The following FGF13 variants were observed in gnomAD, a reference collection of about 807,000 sequenced individuals.
The protein encoded by FGF13 is fibroblast growth factor homologous factor 2.
In FGF13, 2 loss-of-function variants were observed where a neutral mutation model predicts 19.5. The observed-to-expected ratio is 0.10, with a 90% CI of 0.04 to 0.32. The LOEUF (loss-of-function observed/expected upper bound fraction) is 0.32, where lower values mean the gene tolerates loss of function less well. Among genes scored for constraint, FGF13 ranks in the 10% least tolerant of loss-of-function variants. The pLI is 1.00. For synonymous variants in FGF13, 72 were observed against 76.9 expected (o/e 0.94, Z 0.33); for missense variants, 113 against 192.7 (o/e 0.59, Z 2.45).
chrX:138,695,746 T>G (rs2089889804), intron 3 of FGF13, among the ~76,000 whole-genome samples: 2 of 112,201 alleles, frequency 1.8e-5, no homozygotes, highest in Admixed American at 9.5e-5. Flanking sequence ...AATCGGACTA[T>G]AAGTACATAT....
At chrX:138,770,183 C>A (rs1272719253) in intron 3 of FGF13, among the ~76,000 whole-genome samples, 1 of 111,531 alleles carries the variant, frequency 9.0e-6, no homozygotes, top group Non-Finnish European at 1.9e-5. Flanking sequence ...ATATTGAGTA[C>A]TTACTATTAG....
intron 1 of FGF13, among the ~76,000 whole-genome samples, chrX:138,926,112 G>A: frequency 8.9e-6 from 1 of 112,031 alleles, no homozygotes; most frequent in East Asian, 2.8e-4. Flanking sequence ...CCAAGAAATG[G>A]AGGTGAGTGG....
At chrX:138,854,965 G>A (rs1423074437), downstream of FGF13, among the ~76,000 whole-genome samples, 3 of 107,849 alleles carry the variant, frequency 2.8e-5, no homozygotes, top group Non-Finnish European at 5.8e-5. Context: ...AATGTTTCAA[G>A]GTATAGACAT....
chrX:138,984,459 GAGAAGGAGA>G (rs1256030638), intron 1 of FGF13, among the ~76,000 whole-genome samples: 2 of 91,368 alleles, frequency 2.2e-5, no homozygotes, highest in East Asian at 3.9e-4. Flanking sequence ...GGAGAAAGAG[GAGAAGGAGA>G]AGAAGGAGAA....
At position 138,635,361 on chromosome X, in the gene FGF13, C is replaced by G. The variant is rs1240420052; in HGVS notation, c.601+96G>C. 6.4e-6 allele frequency: 6 copies of G among 936,786 alleles called. No homozygotes were observed. The African/African-American group carries it at 1.2e-4, about 19-fold the overall frequency. The allele number at this position is 936,786 out of a possible 1,213,427, so 77.2% of individuals were successfully genotyped here. A position where few individuals can be genotyped will look rare whatever the true frequency, so the allele number is the denominator to read the frequency against. ...ACCACTAAATAGCTTGTCTATGTAA[C>G]CAAAAACCACCTGTACCCCCAAAAC... On this transcript the variant is annotated intron_variant, in intron 4 of 4. Transcript: ENST00000315930.
At chrX:138,746,979 C>A (rs936239995) in intron 3 of FGF13, among the ~76,000 whole-genome samples, 26 of 111,471 alleles carry the variant, frequency 2.3e-4, no homozygotes, top group Non-Finnish European at 4.5e-4. Context: ...CAAGTGATTT[C>A]ATCTGTTTCC....
chrX:138,950,486 C>T (rs2091805600), intron 1 of FGF13, among the ~76,000 whole-genome samples: 2 of 111,686 alleles, frequency 1.8e-5, no homozygotes, highest in Admixed American at 9.5e-5. Flanking sequence ...AGGAGTGAGC[C>T]TCACAGCAAT....
upstream of FGF13, among the ~76,000 whole-genome samples, chrX:138,743,743 C>T (rs961905033): frequency 1.8e-5 from 2 of 111,155 alleles, no homozygotes; most frequent in Non-Finnish European, 3.8e-5. Context: ...TCCAGGAGTA[C>T]GTTCTCTCTG....
chrX:138,988,892 A>AT (rs1448811242), intron 1 of FGF13, among the ~76,000 whole-genome samples: 1 of 111,616 alleles, frequency 9.0e-6, no homozygotes, highest in African/African-American at 3.3e-5. Context: ...TTTATACTTC[A>AT]TTTTCTCAAC....
intron 3 of FGF13, among the ~76,000 whole-genome samples, chrX:138,847,125 G>A (rs761300492): frequency 4.5e-5 from 5 of 111,661 alleles, no homozygotes; most frequent in Non-Finnish European, 9.4e-5. Flanking sequence ...AGCAAGAGGG[G>A]GGAAACTGAG....
At chrX:138,968,047 A>C in intron 1 of FGF13, among the ~76,000 whole-genome samples, 1 of 111,535 alleles carries the variant, frequency 9.0e-6, no homozygotes, top group Non-Finnish European at 1.9e-5. Context: ...ACTCGACTTC[A>C]TATCTCCTAA....
At chrX:139,195,483 G>C (rs190502854) in intron 1 of FGF13, among the ~76,000 whole-genome samples, 13 of 112,411 alleles carry the variant, frequency 1.2e-4, no homozygotes, top group Non-Finnish European at 1.9e-4. Context: ...TCTTCTTTAG[G>C]TTGTTTACTT....
At chrX:138,683,719 G>A (rs763210575) in intron 3 of FGF13, among the ~76,000 whole-genome samples, 1 of 111,524 alleles carries the variant, frequency 9.0e-6, no homozygotes, top group African/African-American at 3.3e-5. Context: ...GCAAATTGCT[G>A]TATTTTGACA....
chrX:138,874,912 T>A (rs2124170628), intron 1 of FGF13, among the ~76,000 whole-genome samples: 1 of 111,762 alleles, frequency 8.9e-6, no homozygotes, highest in African/African-American at 3.2e-5. Flanking sequence ...CCTCTCTCTG[T>A]ACTTAGCTTC....
chrX:138,967,504 T>C (rs2091899738), intron 1 of FGF13, among the ~76,000 whole-genome samples: 1 of 111,079 alleles, frequency 9.0e-6, no homozygotes, highest in Non-Finnish European at 1.9e-5. Flanking sequence ...ACAGAAACCT[T>C]AGGGAAGTAA....
chrX:138,733,740 G>A (rs1028607500), intron 1 of FGF13, among the ~76,000 whole-genome samples: 2 of 111,038 alleles, frequency 1.8e-5, no homozygotes, highest in Non-Finnish European at 3.8e-5. Flanking sequence ...CTTAACAAAC[G>A]GTAGTTTTTA....
chrX:139,011,555 A>G lies in FGF13; in HGVS notation c.-112-146905T>C, dbSNP rs148890063. Among the ~76,000 whole-genome samples the G allele has an allele frequency of 3.8e-4, 43 of 111,708 alleles. No individual in the cohort carries two copies. In the East Asian group the frequency reaches 0.011, roughly 29 times the overall value. ...TAACATACGTAAGTCAACAGATGTT[A>G]CACACCACATAAACAGAATTTAAAA... On this transcript the variant is annotated intron_variant, in intron 1 of 2. Transcript: ENST00000421460.
upstream of FGF13, among the ~76,000 whole-genome samples, chrX:138,713,920 G>A (rs17331338): frequency 1.5e-3 from 165 of 111,326 alleles, no homozygotes; most frequent in Admixed American, 3.0e-3. Flanking sequence ...GAACCACTGG[G>A]CCAAGGCTGA....
At chrX:139,044,561 C>A (rs887058050) in intron 1 of FGF13, among the ~76,000 whole-genome samples, 13 of 111,190 alleles carry the variant, frequency 1.2e-4, no homozygotes, top group African/African-American at 4.0e-4. Context: ...TATCATTCCA[C>A]CACTGGCCCC....
Sources: gnomAD v4.1 joint callset for allele counts (sites outside exome capture counted in the v4.1 genomes callset) on GRCh38, gnomAD v4.1.1 for gene constraint, MANE v1.5 for transcripts, NCBI Gene and HGNC (gene_info 2026-07-23, HGNC 2026-07-21) for gene names.